Variants in TSEN2 observed in about 807,000 individuals in gnomAD.
The protein encoded by TSEN2 is tRNA splicing endonuclease subunit 2, also known as tRNA-splicing endonuclease subunit Sen2.
Under a neutral mutation model 59.2 loss-of-function variants are expected in TSEN2, and 54 were observed. The ratio of observed to expected loss-of-function variants is 0.91; its 90% confidence interval spans 0.73 to 1.14. TSEN2 has a LOEUF of 1.14. Ranked by LOEUF, TSEN2 falls within the 50% of genes most tolerant of loss-of-function variation. TSEN2 has a pLI of 0.00. For missense variants in TSEN2, 636 were observed against 576.2 expected (o/e 1.10, Z -1.06); for synonymous variants, 195 against 198.2 (o/e 0.98, Z 0.14).
intron 10 of TSEN2, chr3:12,530,373 C>G: frequency 1.0e-6 from 1 of 986,542 alleles, no homozygotes; most frequent in Non-Finnish European, 1.2e-6. Context: ...AGTGGCTAAT[C>G]CAAGATCACA....
chr3:12,496,589 G>A, intron 4 of TSEN2, 35 bp downstream of exon 4: 1 of 1,611,354 alleles, frequency 6.2e-7, no homozygotes, highest in South Asian at 1.1e-5. Flanking sequence ...CTGTCAAAAT[G>A]ATGGTTTAAG....
At chr3:12,496,942 G>A (rs2053808462) in intron 4 of TSEN2, among the ~76,000 whole-genome samples, 2 of 152,112 alleles carry the variant, frequency 1.3e-5, no homozygotes, top group Admixed American at 6.5e-5. Flanking sequence ...TTTCACAGAG[G>A]CCCTTCCTCA....
chr3:12,538,860 C>G lies in TSEN2; in HGVS notation c.1261-301C>G, dbSNP rs1004522859. 1.7e-4 allele frequency: 35 copies of G among 208,476 alleles called. No individual in the cohort carries two copies. The South Asian group carries it at 2.1e-3, about 12-fold the overall frequency. 12.9% of individuals were successfully genotyped at this position (208,476 alleles called of 1,614,324 possible). A position where few individuals can be genotyped will look rare whatever the true frequency, so the allele number is the denominator to read the frequency against. On this transcript the variant is annotated intron_variant, in intron 10 of 10. Transcript: ENST00000412698. Reference sequence around the variant, plus strand: ...GGTGTCAGAGAAAGAAGATAGCCCTCTCTTCATGTGCTTTCTGAACTCTGC... The same window carrying G: ...GGTGTCAGAGAAAGAAGATAGCCCTGTCTTCATGTGCTTTCTGAACTCTGC...
downstream of TSEN2, among the ~76,000 whole-genome samples, chr3:12,536,189 G>A (rs1218493050): frequency 6.6e-6 from 1 of 152,196 alleles, no homozygotes; most frequent in Non-Finnish European, 1.5e-5. Context: ...GAGGAGATTG[G>A]GAGGAGAGGC....
chr3:12,485,755 T>C (rs1346646467), intron 1 of TSEN2, among the ~76,000 whole-genome samples: 1 of 152,134 alleles, frequency 6.6e-6, no homozygotes, highest in African/African-American at 2.4e-5. Context: ...GTGACTCCAA[T>C]TCCAAACCAA....
chr3:12,508,192 T>C (rs1221630705), intron 6 of TSEN2, among the ~76,000 whole-genome samples: 1 of 152,202 alleles, frequency 6.6e-6, no homozygotes. Context: ...ACTGTTCCAG[T>C]TGACCAGCTG....
At chr3:12,538,960 A>C in intron 10 of TSEN2, 1 of 316,248 alleles carries the variant, frequency 3.2e-6, no homozygotes, top group Non-Finnish European at 6.1e-6. Context: ...GGTCAGGCAA[A>C]ATGAAATTGA....
chr3:12,486,510 G>A (rs1694015567), intron 1 of TSEN2, among the ~76,000 whole-genome samples: 1 of 152,148 alleles, frequency 6.6e-6, no homozygotes, highest in Non-Finnish European at 1.5e-5. Context: ...GCAGGACATG[G>A]CCTGGGGAAT....
intron 4 of TSEN2, among the ~76,000 whole-genome samples, chr3:12,499,190 G>A (rs1192053239): frequency 6.6e-6 from 1 of 152,204 alleles, no homozygotes; most frequent in Admixed American, 6.5e-5. Flanking sequence ...TCTTTCTGAA[G>A]GTAAGTGTCA....
intron 7 of TSEN2, 145 bp from the exon 8 acceptor site, chr3:12,518,914 T>C (rs1344687271): frequency 1.7e-5 from 14 of 804,406 alleles, no homozygotes; most frequent in Non-Finnish European, 2.8e-5. Flanking sequence ...GTCTCAAAAA[T>C]AAAATAAATA....
At chr3:12,480,898 C>T (rs561648191), upstream of TSEN2, among the ~76,000 whole-genome samples, 1 of 152,204 alleles carries the variant, frequency 6.6e-6, no homozygotes, top group Non-Finnish European at 1.5e-5. Flanking sequence ...AGCATAAGCC[C>T]CGTAGATCCG....
At chr3:12,482,670 G>A (rs2052219359), upstream of TSEN2, among the ~76,000 whole-genome samples, 1 of 151,998 alleles carries the variant, frequency 6.6e-6, no homozygotes, top group African/African-American at 2.4e-5. Flanking sequence ...CCTGGCTCTA[G>A]TCTCAGCCCC....
chr3:12,482,936 G>T (rs1174778324), upstream of TSEN2, among the ~76,000 whole-genome samples: 1 of 152,020 alleles, frequency 6.6e-6, no homozygotes, highest in Non-Finnish European at 1.5e-5. Flanking sequence ...CCTTTCTTTT[G>T]CAACATTCTT....
intron 8 of TSEN2, among the ~76,000 whole-genome samples, chr3:12,521,565 AT>A (rs2056638975): frequency 6.6e-6 from 1 of 152,052 alleles, no homozygotes; most frequent in South Asian, 2.1e-4. Flanking sequence ...AAATACAGAA[AT>A]TAGCTGGGTG....
intron 7 of TSEN2, among the ~76,000 whole-genome samples, chr3:12,518,048 G>T (rs1433331366): frequency 6.6e-6 from 1 of 152,074 alleles, no homozygotes; most frequent in Admixed American, 6.6e-5. Flanking sequence ...GATTGTTTCA[G>T]TAACTACTGA....
intron 6 of TSEN2, chr3:12,514,807 AAACAAC>A (rs763585392): frequency 2.6e-5 from 4 of 152,190 alleles, no homozygotes; most frequent in African/African-American, 4.8e-5. Flanking sequence ...TCCATATTAA[AAACAAC>A]AACAACAACA....
At chr3:12,500,705 G>T (rs116045441) in intron 4 of TSEN2, among the ~76,000 whole-genome samples, 10 of 152,274 alleles carry the variant, frequency 6.6e-5, no homozygotes, top group African/African-American at 2.2e-4. Flanking sequence ...CACTTTACGT[G>T]TCTTATTTAA....
chr3:12,529,912 A>C, intron 10 of TSEN2, 39 bp downstream of exon 10: 1 of 1,595,900 alleles, frequency 6.3e-7, no homozygotes. Flanking sequence ...GTGTCACTTA[A>C]ATGGTTCAGT....
At chr3:12,496,659 T>C (rs1438888105) in intron 4 of TSEN2, 105 bp downstream of exon 4, 1 of 1,203,076 alleles carries the variant, frequency 8.3e-7, no homozygotes, top group Non-Finnish European at 1.2e-6. Context: ...TTTTTTTCTT[T>C]CTGTTTTTGG....
Sources: allele counts gnomAD v4.1 joint callset (sites outside exome capture counted in the v4.1 genomes callset), GRCh38; gene constraint gnomAD v4.1.1; transcripts MANE v1.5; gene names NCBI Gene and HGNC (gene_info 2026-07-23, HGNC 2026-07-21).